The following C1orf159 variants were observed in gnomAD, a reference collection of about 807,000 sequenced individuals.
The protein encoded by C1orf159 is uncharacterized protein C1orf159.
C1orf159 carries 19 observed loss-of-function variants against 25.6 expected under a neutral mutation model. The observed-to-expected ratio is 0.74, with a 90% CI of 0.52 to 1.09. The LOEUF is 1.09. C1orf159 is among the 50% of genes least tolerant of loss of function. The pLI, the probability that C1orf159 is intolerant of heterozygous loss-of-function variation, is 0.00. For missense variants in C1orf159, 274 were observed against 290.6 expected, an observed-to-expected ratio of 0.94 and a Z score of 0.42; for synonymous variants, 139 against 124.7, an observed-to-expected ratio of 1.12 and a Z score of -0.77.
At chr1:1,104,350 C>T (rs769120947) in intron 1 of C1orf159, among the ~76,000 whole-genome samples, 1 of 152,206 alleles carries the variant, frequency 6.6e-6, no homozygotes, top group Non-Finnish European at 1.5e-5. Flanking sequence ...ACTGTGGCTG[C>T]CCTCAGGGCA....
At chr1:1,099,380 GTCTAT>G (rs1557430095) in intron 1 of C1orf159, among the ~76,000 whole-genome samples, 1 of 151,416 alleles carries the variant, frequency 6.6e-6, no homozygotes, top group Non-Finnish European at 1.5e-5. Context: ...GATGTTTTTG[GTCTAT>G]TCTAAGAATT....
At chr1:1,091,677 CAAGGA>C in intron 2 of C1orf159, 112 bp from the exon 3 acceptor site, 1 of 547,982 alleles carries the variant, frequency 1.8e-6, no homozygotes, top group Non-Finnish European at 3.2e-6. Flanking sequence ...CGGGCCAAGG[CAAGGA>C]GGGCAGAGCC....
At chr1:1,094,523 C>T (rs1241338750) in intron 1 of C1orf159, among the ~76,000 whole-genome samples, 1 of 152,062 alleles carries the variant, frequency 6.6e-6, no homozygotes, top group East Asian at 1.9e-4. Context: ...GCCTCAGCCT[C>T]CTGAGTAGCT....
chr1:1,090,735 T>C (rs1411109612), intron 3 of C1orf159: 1 of 813,870 alleles, frequency 1.2e-6, no homozygotes, highest in South Asian at 1.5e-5. Context: ...CGACATTCTC[T>C]GCAAGTCTCC....
intron 1 of C1orf159, among the ~76,000 whole-genome samples, chr1:1,103,794 C>T (rs946779653): frequency 2.0e-5 from 3 of 152,214 alleles, no homozygotes; most frequent in South Asian, 4.1e-4. Flanking sequence ...GCAGTGGCAG[C>T]GATCCTCTCA....
At chr1:1,113,421 T>C (rs989736507) in intron 1 of C1orf159, among the ~76,000 whole-genome samples, 5 of 152,168 alleles carry the variant, frequency 3.3e-5, no homozygotes, top group Non-Finnish European at 5.9e-5. Flanking sequence ...TGGCTCTTTC[T>C]TTTCTTTGTG....
At chr1:1,111,674 CG>C (rs1160455371) in intron 1 of C1orf159, among the ~76,000 whole-genome samples, 1 of 152,190 alleles carries the variant, frequency 6.6e-6, no homozygotes, top group African/African-American at 2.4e-5. Context: ...CCACGCTCAC[CG>C]TAACTCCAGC....
chr1:1,082,788 C>T lies in C1orf159; in HGVS notation c.*105G>A. 4 of 1,062,058 alleles carry T rather than the reference C, an allele frequency of 3.8e-6. No individual in the cohort carries two copies. Among genetic ancestry groups the T allele is most frequent in the Non-Finnish European group, 5.7e-6 (4 of 707,386 alleles). 65.8% of individuals were successfully genotyped at this position (1,062,058 alleles called of 1,614,324 possible). A position where few individuals can be genotyped will look rare whatever the true frequency, so the allele number is the denominator to read the frequency against. ...CTCAGAGCCGAGGCTGTGCCCAGGA[C>T]TGTCCCGGGCGCCGGGCGATGCCAA... On this transcript the variant is annotated 3_prime_UTR_variant, in exon 10 of 10. Coordinates refer to ENST00000421241, the MANE Select transcript of C1orf159 (RefSeq NM_017891.5).
intron 6 of C1orf159, among the ~76,000 whole-genome samples, chr1:1,086,820 C>T (rs561135456): frequency 3.9e-5 from 6 of 152,174 alleles, no homozygotes; most frequent in Non-Finnish European, 5.9e-5. Flanking sequence ...TAAGAGCGTG[C>T]GGTGTGGCCG....
At chr1:1,113,822 G>A (rs1306608226) in intron 1 of C1orf159, among the ~76,000 whole-genome samples, 1 of 152,190 alleles carries the variant, frequency 6.6e-6, no homozygotes, top group Admixed American at 6.5e-5. Flanking sequence ...TCTTCCCTCG[G>A]GGTGGGCCGT....
intron 7 of C1orf159, 31 bp downstream of exon 7, chr1:1,085,847 C>T (rs1645819601): frequency 1.2e-6 from 2 of 1,611,462 alleles, no homozygotes; most frequent in South Asian, 1.1e-5. Flanking sequence ...CCTGTGCCCT[C>T]CCGTGGGGCA....
intron 1 of C1orf159, among the ~76,000 whole-genome samples, chr1:1,108,040 G>C (rs1352757028): frequency 1.3e-5 from 2 of 152,172 alleles, no homozygotes; most frequent in Non-Finnish European, 2.9e-5. Flanking sequence ...ACCAATTCTA[G>C]ACACATTAGC....
At chr1:1,083,301 G>A (rs1261903332) in intron 9 of C1orf159, 3 of 338,322 alleles carry the variant, frequency 8.9e-6, no homozygotes, top group Non-Finnish European at 1.6e-5. Context: ...CACCTCAGGG[G>A]GCGACAAGCA....
chr1:1,084,297 C>T (rs780661380), intron 9 of C1orf159, 56 bp downstream of exon 9: 2 of 1,525,790 alleles, frequency 1.3e-6, no homozygotes, highest in Non-Finnish European at 1.8e-6. Context: ...ACAGAGCACC[C>T]TGGGACTGGC....
Position 1,104,311 on chromosome 1 carries a change from C to T in C1orf159, c.-136+11749G>A, listed in dbSNP as rs549077199. Among the ~76,000 whole-genome samples the T allele has an allele frequency of 3.3e-5, 5 of 152,302 alleles. No individual in the cohort carries two copies. The South Asian group carries it at 6.2e-4, about 19-fold the overall frequency. On this transcript the variant is annotated intron_variant, in intron 1 of 9. Transcript: ENST00000421241. ...CCAGACAGTGGACTTTCTATCAGTG[C>T]GTTAGTCACCCCACACTATCATGTG...
chr1:1,095,786 C>G (rs1326484908), intron 1 of C1orf159, among the ~76,000 whole-genome samples: 3 of 152,174 alleles, frequency 2.0e-5, no homozygotes, highest in African/African-American at 7.2e-5. Flanking sequence ...ATCAAAAGTA[C>G]AACGTCTAGT....
chr1:1,090,729 AT>A (rs1188636909), intron 3 of C1orf159: 2 of 794,904 alleles, frequency 2.5e-6, no homozygotes, highest in Non-Finnish European at 4.3e-6. Context: ...CGCCACCGAC[AT>A]TCTCTGCAAG....
chr1:1,098,127 G>C (rs1646034719), intron 1 of C1orf159, among the ~76,000 whole-genome samples: 1 of 151,692 alleles, frequency 6.6e-6, no homozygotes, highest in Non-Finnish European at 1.5e-5. Flanking sequence ...GGAGTGCAGT[G>C]GTGCGATCTT....
rs551790935 is a variant in C1orf159, at chr1:1,089,582, C to T, written c.148+771G>A. Among the ~76,000 whole-genome samples, 20 of 152,296 alleles carry T rather than the reference C, an allele frequency of 1.3e-4. No individual in the cohort carries two copies. Among genetic ancestry groups the T allele is most frequent in the East Asian group, 7.7e-4 (4 of 5,180 alleles). ...CAGCCTCACTGGCTGCCACAGCCGCCGTCTTGACCACGCCCTCCTCACGAG... is the reference window on the plus strand; with the variant it reads ...CAGCCTCACTGGCTGCCACAGCCGCTGTCTTGACCACGCCCTCCTCACGAG... On this transcript the variant is annotated intron_variant, in intron 4 of 9. Coordinates refer to ENST00000421241, the MANE Select transcript of C1orf159 (RefSeq NM_017891.5). The surrounding 1 kb of genome is among the most constrained non-coding windows in gnomAD (Gnocchi z 7.5).
Sources: allele counts gnomAD v4.1 joint callset (sites outside exome capture counted in the v4.1 genomes callset), GRCh38; gene constraint gnomAD v4.1.1; non-coding constraint Gnocchi (gnomAD v3.1); transcripts MANE v1.5; gene names NCBI Gene and HGNC (gene_info 2026-07-23, HGNC 2026-07-21).